Variants in WNT9B observed in about 807,000 individuals in gnomAD.
WNT9B encodes Wnt family member 9B.
In WNT9B, 12 loss-of-function variants were observed where a neutral mutation model predicts 30.2. That is an observed-to-expected ratio of 0.40 (90% CI 0.26 to 0.64). WNT9B has a LOEUF of 0.64. WNT9B is among the 30% of genes least tolerant of loss of function. The pLI is 0.42. For synonymous variants in WNT9B, 218 were observed against 216.9 expected (o/e 1.01, Z -0.05); for missense variants, 442 against 485.2 (o/e 0.91, Z 0.84).
intron 1 of WNT9B, among the ~76,000 whole-genome samples, chr17:46,867,370 G>T (rs907173566): frequency 6.6e-6 from 1 of 152,262 alleles, no homozygotes; most frequent in Non-Finnish European, 1.5e-5. Context: ...AACCCAGGCA[G>T]TCTGGCTCCA....
chr17:46,873,798 T>C (rs1336204536), intron 2 of WNT9B, among the ~76,000 whole-genome samples: 1 of 150,932 alleles, frequency 6.6e-6, no homozygotes, highest in Non-Finnish European at 1.5e-5. Context: ...GTAACCAGCG[T>C]GGTCAAAATG....
chr17:46,845,649 C>G (rs1181606452), intron 1 of WNT9B, among the ~76,000 whole-genome samples: 1 of 151,738 alleles, frequency 6.6e-6, no homozygotes, highest in Non-Finnish European at 1.5e-5. Context: ...CGCCACCACA[C>G]CTGGCTAACT....
chr17:46,845,224 C>T (rs1226486145), intron 1 of WNT9B, among the ~76,000 whole-genome samples: 3 of 152,130 alleles, frequency 2.0e-5, no homozygotes, highest in Admixed American at 6.6e-5. Context: ...AACACCCCAA[C>T]GTAGAGTCTT....
At chr17:46,874,850 T>G in intron 2 of WNT9B, 2 of 619,210 alleles carry the variant, frequency 3.2e-6, no homozygotes, top group Non-Finnish European at 2.9e-6. Flanking sequence ...AGTGCTGGGA[T>G]TAGGGGCACG....
chr17:46,874,341 G>C (rs1010666431), intron 2 of WNT9B, among the ~76,000 whole-genome samples: 2 of 152,160 alleles, frequency 1.3e-5, no homozygotes, highest in Non-Finnish European at 2.9e-5. Context: ...AAGCCCATGG[G>C]GCTTATCTCA....
intron 1 of WNT9B, among the ~76,000 whole-genome samples, chr17:46,866,581 C>T (rs1041666235): frequency 4.6e-5 from 7 of 151,984 alleles, no homozygotes; most frequent in Non-Finnish European, 7.4e-5. Context: ...GGCCTTGCAG[C>T]GGAAGCCTGT....
chr17:46,851,497 C>CT, upstream of WNT9B: 1 of 377,394 alleles, frequency 2.6e-6, no homozygotes, highest in Non-Finnish European at 4.5e-6. The surrounding 1 kb of genome is among the most constrained non-coding windows in gnomAD (Gnocchi z 4.3). Context: ...CCGCCCGGGG[C>CT]TGGGGAGCCT....
intron 1 of WNT9B, among the ~76,000 whole-genome samples, chr17:46,870,917 T>C (rs2085232744): frequency 6.7e-6 from 1 of 148,432 alleles, no homozygotes; most frequent in Non-Finnish European, 1.5e-5. Flanking sequence ...TTTTTTTTTT[T>C]TTTTTTTTTT....
chr17:46,846,263 A>G (rs1402659200), intron 1 of WNT9B, among the ~76,000 whole-genome samples: 4 of 152,234 alleles, frequency 2.6e-5, no homozygotes, highest in African/African-American at 9.6e-5. Flanking sequence ...GTAGCCATCA[A>G]TAAGTCAGGT....
intron 1 of WNT9B, among the ~76,000 whole-genome samples, chr17:46,859,591 T>C (rs994003983): frequency 2.0e-5 from 3 of 152,264 alleles, no homozygotes; most frequent in Admixed American, 2.0e-4. Context: ...CCTAGATTAC[T>C]ATAGCTTTAT....
intron 1 of WNT9B, among the ~76,000 whole-genome samples, chr17:46,867,743 C>T (rs111395196): frequency 3.6e-4 from 55 of 152,208 alleles, no homozygotes; most frequent in African/African-American, 8.2e-4. Flanking sequence ...AAGGAGGTTC[C>T]AGGAGGATCA....
rs1483143880 is a variant in WNT9B, at chr17:46,851,933, T to C, written c.77+218T>C. Among the ~76,000 whole-genome samples the C allele has an allele frequency of 6.6e-6, 1 of 152,100 alleles. No homozygotes were observed. Among genetic ancestry groups the C allele is most frequent in the Non-Finnish European group, 1.5e-5 (1 of 68,002 alleles). On this transcript the variant is annotated intron_variant, in intron 1 of 3. Coordinates refer to ENST00000290015, the MANE Select transcript of WNT9B (RefSeq NM_003396.3). The surrounding 1 kb of genome is among the most constrained non-coding windows in gnomAD (Gnocchi z 4.3). ...GCTCCGAATCCATCGCCCTGTTCAG[T>C]GTCCGAGTCTCTGGTCGCCCCCCAG...
At chr17:46,839,977 TCTTCTTTCTTTCTTTTTTCTTTC>T (rs2084687790) in intron 1 of WNT9B, among the ~76,000 whole-genome samples, 5 of 119,284 alleles carry the variant, frequency 4.2e-5, no homozygotes, top group African/African-American at 1.6e-4. Context: ...TCTTTCTTTC[TCTTCTTTCTTTCTTTTTTCTTTC>T]TTCTTTCTTT....
chr17:46,836,738 G>A lies in WNT9B; in HGVS notation c.95+3298G>A, dbSNP rs139142091. Among the ~76,000 whole-genome samples, 40 of 152,264 alleles carry A rather than the reference G, an allele frequency of 2.6e-4. No homozygotes were observed. The East Asian group carries it at 7.3e-3, about 28-fold the overall frequency. On this transcript the variant is annotated intron_variant, in intron 1 of 2. Transcript: ENST00000575372. ...GCTGGAGGTGAGCAGGGTTGGCCAG[G>A]GTCATGGGGTGATGTCTTGGTTGGA...
intron 1 of WNT9B, among the ~76,000 whole-genome samples, chr17:46,842,442 A>G (rs543557692): frequency 1.6e-4 from 25 of 152,208 alleles, no homozygotes; most frequent in African/African-American, 5.8e-4. Context: ...TGGCGCGATC[A>G]CGGCTCACTG....
Position 46,876,329 on chromosome 17 carries a change from TC to T in WNT9B, c.689del (p.Pro230ArgfsTer9), listed in dbSNP as rs764359804. The T allele has an allele frequency of 6.2e-7, 1 of 1,614,132 alleles. No individual in the cohort carries two copies. Among genetic ancestry groups the T allele is most frequent in the South Asian group, 1.1e-5 (1 of 91,086 alleles). On this transcript the variant is annotated frameshift_variant, in exon 4 of 4. Coordinates refer to ENST00000290015, the MANE Select transcript of WNT9B (RefSeq NM_003396.3). LOFTEE classifies it high-confidence loss of function. ...CGTGCGCACCTGCTGGAAGCAGCTC[TC>T]CCCGTTCCGTGAGACGGGCCAGGTG... The part of the protein sequence containing the change: ...CAVRTCWKQL[S>X]PFRETGQVLK...
At chr17:46,855,725 G>T (rs1254503869) in intron 1 of WNT9B, among the ~76,000 whole-genome samples, 3 of 152,222 alleles carry the variant, frequency 2.0e-5, no homozygotes, top group Non-Finnish European at 2.9e-5. Context: ...TAGAGACGGA[G>T]TCTCGCTCTG....
At chr17:46,843,732 T>C (rs1176665566) in intron 1 of WNT9B, among the ~76,000 whole-genome samples, 1 of 152,234 alleles carries the variant, frequency 6.6e-6, no homozygotes, top group Admixed American at 6.5e-5. Flanking sequence ...AACAGTTTTA[T>C]AGGACTTAGA....
At chr17:46,843,679 C>T (rs1215884086) in intron 1 of WNT9B, among the ~76,000 whole-genome samples, 2 of 152,172 alleles carry the variant, frequency 1.3e-5, no homozygotes, top group African/African-American at 2.4e-5. Context: ...CTTCTCTGTG[C>T]CCATTTCCTC....
Sources: allele counts gnomAD v4.1 joint callset (sites outside exome capture counted in the v4.1 genomes callset), GRCh38; gene constraint gnomAD v4.1.1; non-coding constraint Gnocchi (gnomAD v3.1); transcripts MANE v1.5; gene names NCBI Gene and HGNC (gene_info 2026-07-23, HGNC 2026-07-21).